The following DGUOK variants were observed in gnomAD, a reference collection of about 807,000 sequenced individuals.
DGUOK encodes deoxyguanosine kinase, mitochondrial.
A neutral mutation model predicts 36.6 loss-of-function variants in DGUOK; 30 were observed. That is an observed-to-expected ratio of 0.82 (90% CI 0.61 to 1.11). The LOEUF is 1.11. Among genes scored for constraint, DGUOK ranks in the 50% most tolerant of loss-of-function variants. The pLI is 0.00. For synonymous variants in DGUOK, 145 were observed against 126.3 expected (o/e 1.15, Z -0.99); for missense variants, 361 against 336.4 (o/e 1.07, Z -0.57).
At chr2:73,958,380 A>G (rs1265435870) in intron 6 of DGUOK, 135 bp downstream of exon 6, 5 of 739,090 alleles carry the variant, frequency 6.8e-6, no homozygotes, top group East Asian at 5.3e-5. Flanking sequence ...TCCAAGGCCT[A>G]TGGAATCTTG....
At chr2:73,958,123 C>A (rs776245624) in intron 5 of DGUOK, 23 bp from the exon 6 acceptor site, 1 of 1,596,700 alleles carries the variant, frequency 6.3e-7, no homozygotes, top group East Asian at 2.2e-5. Context: ...TTTCTGTCCC[C>A]CAAACGTTCA....
chr2:73,954,083 T>C (rs1317211620), intron 4 of DGUOK, among the ~76,000 whole-genome samples: 1 of 152,050 alleles, frequency 6.6e-6, no homozygotes, highest in Non-Finnish European at 1.5e-5. Flanking sequence ...GGCTCATGCC[T>C]GCAATGCCAG....
intron 1 of DGUOK, among the ~76,000 whole-genome samples, chr2:73,937,478 G>C (rs1024967720): frequency 2.6e-5 from 4 of 152,226 alleles, no homozygotes; most frequent in African/African-American, 7.2e-5. Flanking sequence ...TGAGCATGGA[G>C]GTGGGAATGG....
intron 1 of DGUOK, 36 bp downstream of exon 1, chr2:73,927,088 C>T (rs1312810931): frequency 6.2e-7 from 1 of 1,603,414 alleles, no homozygotes; most frequent in East Asian, 2.2e-5. Flanking sequence ...GCCTTGGCCT[C>T]CGCCACGCAG....
chr2:73,930,761 A>G (rs1326431930), intron 1 of DGUOK, among the ~76,000 whole-genome samples: 1 of 150,622 alleles, frequency 6.6e-6, no homozygotes, highest in African/African-American at 2.4e-5. Flanking sequence ...AAGTAGGAGA[A>G]AACAGATTCG....
intron 1 of DGUOK, among the ~76,000 whole-genome samples, chr2:73,935,282 G>A (rs1558646816): frequency 6.6e-6 from 1 of 152,172 alleles, no homozygotes; most frequent in Non-Finnish European, 1.5e-5. Context: ...TAACTAAATT[G>A]CAGTAAGTCT....
Position 73,927,030 on chromosome 2 carries a change from G to C in DGUOK, c.120G>C (p.Arg40Ser). 1 of 1,610,062 alleles carries C rather than the reference G, an allele frequency of 6.2e-7. No individual in the cohort carries two copies. Among genetic ancestry groups the C allele is most frequent in the Non-Finnish European group, 8.5e-7 (1 of 1,180,018 alleles). ...TGCACGCGGGGCGCGGGCCCCGAAG[G>C]CTCTCCATCGAAGGCAACATTGGTA... is the stretch of plus-strand genomic sequence containing the variant. The part of the protein sequence containing the change: ...RGLHAGRGPR[R>S]LSIEGNIAVG... Residue 40 changes from arginine (R) to serine (S), a missense_variant, in exon 1 of 7, where the codon AGG becomes AGC. Transcript: ENST00000264093.
intron 4 of DGUOK, among the ~76,000 whole-genome samples, chr2:73,952,161 C>T (rs1682751477): frequency 6.6e-6 from 1 of 152,130 alleles, no homozygotes; most frequent in Admixed American, 6.5e-5. Flanking sequence ...AGCGTGAGAA[C>T]TTGTTTCTAA....
chr2:73,941,420 C>T (rs1388418740), intron 2 of DGUOK, among the ~76,000 whole-genome samples: 1 of 152,154 alleles, frequency 6.6e-6, no homozygotes, highest in African/African-American at 2.4e-5. Flanking sequence ...ACTAATCATC[C>T]TGTAATCCCA....
intron 5 of DGUOK, among the ~76,000 whole-genome samples, chr2:73,957,795 G>T (rs954575140): frequency 6.6e-6 from 1 of 152,200 alleles, no homozygotes; most frequent in Non-Finnish European, 1.5e-5. Flanking sequence ...GATGGTGATA[G>T]TTGGCTCAGC....
chr2:73,946,329 G>A (rs1682301707), intron 2 of DGUOK, among the ~76,000 whole-genome samples: 1 of 152,212 alleles, frequency 6.6e-6, no homozygotes, highest in African/African-American at 2.4e-5. Flanking sequence ...AGGCAACATA[G>A]TGTTATAGTG....
At chr2:73,931,438 C>G (rs1212953963) in intron 1 of DGUOK, among the ~76,000 whole-genome samples, 1 of 152,190 alleles carries the variant, frequency 6.6e-6, no homozygotes, top group Non-Finnish European at 1.5e-5. Context: ...CCACGCCTAG[C>G]TAACACATGC....
intron 1 of DGUOK, among the ~76,000 whole-genome samples, chr2:73,930,469 C>G (rs535615526): frequency 6.6e-6 from 1 of 152,178 alleles, no homozygotes; most frequent in Non-Finnish European, 1.5e-5. Context: ...TTGTACTGTA[C>G]TTTGAGAAAC....
At chr2:73,931,196 G>C (rs1422192810) in intron 1 of DGUOK, among the ~76,000 whole-genome samples, 2 of 152,214 alleles carry the variant, frequency 1.3e-5, no homozygotes, top group African/African-American at 4.8e-5. Flanking sequence ...AGAGGGAAAA[G>C]TGTTTCAGCC....
At chr2:73,927,743 G>C (rs1680708727) in intron 1 of DGUOK, among the ~76,000 whole-genome samples, 1 of 152,188 alleles carries the variant, frequency 6.6e-6, no homozygotes, top group African/African-American at 2.4e-5. Flanking sequence ...CCAGTATCTT[G>C]AATAAAAAGT....
At chr2:73,941,691 A>G (rs1466513020) in intron 2 of DGUOK, among the ~76,000 whole-genome samples, 3 of 152,142 alleles carry the variant, frequency 2.0e-5, no homozygotes, top group African/African-American at 7.2e-5. Context: ...TCTTCCTATT[A>G]TAAGCAGTGT....
intron 2 of DGUOK, among the ~76,000 whole-genome samples, chr2:73,943,139 TTTTG>T (rs1482667638): frequency 6.6e-6 from 1 of 151,968 alleles, no homozygotes; most frequent in Non-Finnish European, 1.5e-5. Context: ...GTATGGTGAT[TTTTG>T]TTTGTTTTGA....
chr2:73,944,933 C>T (rs1012402539), intron 2 of DGUOK, among the ~76,000 whole-genome samples: 3 of 149,756 alleles, frequency 2.0e-5, no homozygotes, highest in African/African-American at 7.6e-5. Flanking sequence ...TCAGGGGCCA[C>T]GTGTGAGGCT....
intron 1 of DGUOK, 84 bp downstream of exon 1, chr2:73,927,136 C>A (rs1016921077): frequency 6.3e-7 from 1 of 1,575,970 alleles, no homozygotes; most frequent in Non-Finnish European, 8.6e-7. Flanking sequence ...CCCGGAATGG[C>A]CTGCGTCTGA....
Sources: allele counts gnomAD v4.1 joint callset (sites outside exome capture counted in the v4.1 genomes callset), GRCh38; gene constraint gnomAD v4.1.1; transcripts MANE v1.5; gene names NCBI Gene and HGNC (gene_info 2026-07-23, HGNC 2026-07-21).